CADPS2: variants seen among roughly 807,000 people sequenced by gnomAD.
The protein encoded by CADPS2 is calcium dependent secretion activator 2, also known as calcium-dependent secretion activator 2.
CADPS2 carries 93 observed loss-of-function variants against 172.5 expected under a neutral mutation model. The observed-to-expected ratio is 0.54, with a 90% CI of 0.46 to 0.64. The LOEUF is 0.64. CADPS2 is among the 30% of genes least tolerant of loss of function. The pLI, the probability that CADPS2 is intolerant of heterozygous loss-of-function variation, is 0.00. For missense variants in CADPS2, 1,420 were observed against 1,565.9 expected, an observed-to-expected ratio of 0.91 and a Z score of 1.57; for synonymous variants, 546 against 555.2, an observed-to-expected ratio of 0.98 and a Z score of 0.23.
chr7:122,734,356 T>TAAAAAAAAAAAAAAAAAAAAAAAAA lies in CADPS2; in HGVS notation c.453+2574_453+2598dup, dbSNP rs558421546. 4.5e-4 allele frequency among the ~76,000 whole-genome samples: 21 copies of TAAAAAAAAAAAAAAAAAAAAAAAAA among 46,274 alleles called. 4 individuals are homozygous for TAAAAAAAAAAAAAAAAAAAAAAAAA. The highest frequency in any genetic ancestry group is 1.0e-3 in the East Asian group (1 of 970). The allele number at this position is 46,274 out of a possible 152,430, so 30.4% of individuals were successfully genotyped here. A position where few individuals can be genotyped will look rare whatever the true frequency, so the allele number is the denominator to read the frequency against. On this transcript the variant is annotated intron_variant, in intron 2 of 29. Coordinates refer to ENST00000449022, the MANE Select transcript of CADPS2 (RefSeq NM_017954.11). ...AATAACGATAGCATGCCAGAAATAGTAAAAAAAAAAAAAAAAAAAAAAAAA... is the reference window on the plus strand; with the variant it reads ...AATAACGATAGCATGCCAGAAATAGTAAAAAAAAAAAAAAAAAAAAAAAAAAAAAAAAAAAAAAAAAAAAAAAAAA...
chr7:122,628,518 T>C (rs1587955340), intron 4 of CADPS2, among the ~76,000 whole-genome samples: 1 of 151,840 alleles, frequency 6.6e-6, no homozygotes. Context: ...GAGAATCTTA[T>C]GTTCAGAGCA....
At chr7:122,552,097 C>T (rs1227158480) in intron 8 of CADPS2, among the ~76,000 whole-genome samples, 2 of 152,044 alleles carry the variant, frequency 1.3e-5, no homozygotes, top group Non-Finnish European at 2.9e-5. Context: ...TCTAACTGTC[C>T]CTGTCCATAG....
intron 1 of CADPS2, among the ~76,000 whole-genome samples, chr7:122,875,722 A>T (rs1236411950): frequency 1.3e-5 from 2 of 152,334 alleles, no homozygotes; most frequent in African/African-American, 4.8e-5. Context: ...GAAAAAAGTA[A>T]AATCTGAAAA....
In CADPS2 at chr7:122,835,139, TC is replaced by T. The variant is rs1807958788; in HGVS notation, c.339+50859del. ...TTTGCTGTTCAGCAATATTCGATGTTCTGCAGCCTCTGCTGCTGATACCCAG... is the reference window on the plus strand; with the variant it reads ...TTTGCTGTTCAGCAATATTCGATGTTTGCAGCCTCTGCTGCTGATACCCAG... On this transcript the variant is annotated intron_variant, in intron 1 of 29. Coordinates refer to ENST00000449022, the MANE Select transcript of CADPS2 (RefSeq NM_017954.11). 2.6e-5 allele frequency among the ~76,000 whole-genome samples: 4 copies of T among 152,338 alleles called. No individual in the cohort carries two copies. In the South Asian group the frequency reaches 8.3e-4, roughly 32 times the overall value.
At chr7:122,364,322 T>C (rs957955982) in intron 25 of CADPS2, among the ~76,000 whole-genome samples, 7 of 150,060 alleles carry the variant, frequency 4.7e-5, no homozygotes, top group African/African-American at 1.5e-4. Flanking sequence ...GGTGGGAGGA[T>C]TGCTTGTGCC....
At chr7:122,395,891 C>A (rs2045046020) in intron 20 of CADPS2, among the ~76,000 whole-genome samples, 1 of 151,822 alleles carries the variant, frequency 6.6e-6, no homozygotes, top group South Asian at 2.1e-4. Context: ...CTCACTGCAA[C>A]CTCTGCCTCC....
chr7:122,412,942 C>A (rs1390995120), intron 19 of CADPS2: 1 of 152,232 alleles, frequency 6.6e-6, no homozygotes, highest in Non-Finnish European at 1.5e-5. Flanking sequence ...TGGTTCAAAT[C>A]TGTCAGCAGA....
At chr7:122,345,512 T>C in intron 28 of CADPS2, 62 bp downstream of exon 28, 1 of 987,924 alleles carries the variant, frequency 1.0e-6, no homozygotes, top group Non-Finnish European at 1.6e-6. Context: ...CCATCAAAAT[T>C]CAACTTTTCT....
intron 2 of CADPS2, among the ~76,000 whole-genome samples, chr7:122,670,414 T>C (rs2081688553): frequency 6.6e-6 from 1 of 151,070 alleles, no homozygotes; most frequent in South Asian, 2.1e-4. Flanking sequence ...TACAATAAAA[T>C]TTAAAAATTA....
intron 1 of CADPS2, among the ~76,000 whole-genome samples, chr7:122,851,527 G>A (rs1289131059): frequency 6.6e-6 from 1 of 152,142 alleles, no homozygotes; most frequent in African/African-American, 2.4e-5. Flanking sequence ...AAGACTTAAT[G>A]AACCTGTATT....
chr7:122,711,396 GC>G (rs1264784225), intron 2 of CADPS2, among the ~76,000 whole-genome samples: 1 of 152,016 alleles, frequency 6.6e-6, no homozygotes, highest in Non-Finnish European at 1.5e-5. Flanking sequence ...CAGGTCATGA[GC>G]CCCAAAGAGT....
At chr7:122,795,894 C>T (rs114493705) in intron 1 of CADPS2, among the ~76,000 whole-genome samples, 154 of 152,140 alleles carry the variant, frequency 1.0e-3, no homozygotes, top group African/African-American at 3.5e-3. Flanking sequence ...ATAGGGCATC[C>T]AAATAGGAAG....
intron 2 of CADPS2, among the ~76,000 whole-genome samples, chr7:122,729,676 G>GT (rs56993717): frequency 0.14 from 13,519 of 94,340 alleles, 1,131 homozygotes; most frequent in Non-Finnish European, 0.21. Context: ...ATTTTTAACG[G>GT]TTTTTTTTTT....
At chr7:122,388,552 A>G (rs1162748475) in intron 23 of CADPS2, 31 bp downstream of exon 23, 1 of 1,551,230 alleles carries the variant, frequency 6.4e-7, no homozygotes, top group East Asian at 2.3e-5. Flanking sequence ...GTGCTGGCAC[A>G]TTAAGCAGCA....
chr7:122,729,001 C>G (rs887455118), intron 2 of CADPS2, among the ~76,000 whole-genome samples: 1 of 151,722 alleles, frequency 6.6e-6, no homozygotes, highest in Non-Finnish European at 1.5e-5. Flanking sequence ...ATTACCCAAC[C>G]TCTCTTTACC....
intron 1 of CADPS2, among the ~76,000 whole-genome samples, chr7:122,801,605 A>G (rs1797664870): frequency 6.6e-6 from 1 of 152,208 alleles, no homozygotes; most frequent in South Asian, 2.1e-4. Flanking sequence ...TATCATTGCT[A>G]CTATAAAGTT....
chr7:122,820,459 G>C (rs1218871130), intron 1 of CADPS2, among the ~76,000 whole-genome samples: 5 of 151,004 alleles, frequency 3.3e-5, no homozygotes, highest in African/African-American at 4.9e-5. Flanking sequence ...TCCTTCCTAG[G>C]CATGGTTAGT....
At chr7:122,800,026 C>T (rs535249776) in intron 1 of CADPS2, among the ~76,000 whole-genome samples, 1 of 152,240 alleles carries the variant, frequency 6.6e-6, no homozygotes, top group South Asian at 2.1e-4. Flanking sequence ...GGGTAGAAAA[C>T]CACATCATAT....
At chr7:122,451,798 T>C (rs6956211) in intron 14 of CADPS2, among the ~76,000 whole-genome samples, 20,216 of 152,180 alleles carry the variant, frequency 0.13, 1,838 homozygotes, top group Non-Finnish European at 0.2. Context: ...TTTGACCAAC[T>C]AAGTGAAATC....
Sources: allele counts gnomAD v4.1 joint callset (sites outside exome capture counted in the v4.1 genomes callset), GRCh38; gene constraint gnomAD v4.1.1; transcripts MANE v1.5; gene names NCBI Gene and HGNC (gene_info 2026-07-23, HGNC 2026-07-21).